Variants in STON2 observed in about 807,000 individuals in gnomAD.
STON2 encodes stonin 2.
In STON2, 29 loss-of-function variants were observed where a neutral mutation model predicts 65.7. That is an observed-to-expected ratio of 0.44 (90% CI 0.33 to 0.60). STON2 has a LOEUF of 0.60. STON2 is among the 20% of genes least tolerant of loss of function. STON2 has a pLI of 0.03. For missense variants in STON2, 1,054 were observed against 1,118.1 expected (o/e 0.94, Z 0.82); for synonymous variants, 404 against 414.2 (o/e 0.98, Z 0.30).
Position 81,396,135 on chromosome 14 carries a change from G to A in STON2, c.132C>T (p.Asp44=), listed in dbSNP as rs1227967879. The change falls in exon 3 of 8, where the codon GAC becomes GAT. Residue 44 remains aspartate, a synonymous_variant. Transcript: ENST00000614646. The part of the protein sequence containing the change: ...EHLPGLSSSP[D]QSESSSGENH... ...TCTCCCCGGAGGAGCTCTCGGACTGGTCTGGGGAAGATGACAGTCCTGGGA... is the reference window on the plus strand; with the variant it reads ...TCTCCCCGGAGGAGCTCTCGGACTGATCTGGGGAAGATGACAGTCCTGGGA... 1 of 1,613,912 alleles carries A rather than the reference G, an allele frequency of 6.2e-7. No individual in the cohort carries two copies. Among genetic ancestry groups the A allele is most frequent in the Non-Finnish European group, 8.5e-7 (1 of 1,179,986 alleles).
intron 4 of STON2, among the ~76,000 whole-genome samples, chr14:81,333,610 G>A (rs796173772): frequency 1.1e-4 from 17 of 152,282 alleles, no homozygotes; most frequent in African/African-American, 3.1e-4. Flanking sequence ...AACACTGCAT[G>A]AACATGGAAT....
intron 4 of STON2, among the ~76,000 whole-genome samples, chr14:81,336,056 C>T (rs1381871679): frequency 6.6e-6 from 1 of 152,060 alleles, no homozygotes; most frequent in African/African-American, 2.4e-5. Context: ...AATTCCAAGG[C>T]TATTCTTACA....
intron 5 of STON2, among the ~76,000 whole-genome samples, chr14:81,294,991 T>C (rs1476798503): frequency 6.6e-6 from 1 of 152,170 alleles, no homozygotes; most frequent in Non-Finnish European, 1.5e-5. Context: ...TCATGCTGTT[T>C]AAGTGGGTGC....
chr14:81,368,594 A>T (rs1898842864), intron 4 of STON2, among the ~76,000 whole-genome samples: 1 of 152,082 alleles, frequency 6.6e-6, no homozygotes, highest in African/African-American at 2.4e-5. Context: ...CACACCTGTA[A>T]TCCCAGCTAC....
intron 1 of STON2, among the ~76,000 whole-genome samples, chr14:81,433,487 T>C (rs1902295645): frequency 6.6e-6 from 1 of 152,220 alleles, no homozygotes; most frequent in Non-Finnish European, 1.5e-5. Flanking sequence ...CATCTGCCAC[T>C]GGGCCACCTC....
chr14:81,357,457 G>C (rs1327593182), intron 4 of STON2, among the ~76,000 whole-genome samples: 3 of 151,398 alleles, frequency 2.0e-5, no homozygotes, highest in African/African-American at 4.8e-5. Context: ...TGGTGGGACT[G>C]TAAACTAGTT....
chr14:81,428,418 CTT>C (rs1478599873), intron 1 of STON2, among the ~76,000 whole-genome samples: 6 of 152,200 alleles, frequency 3.9e-5, no homozygotes, highest in Non-Finnish European at 8.8e-5. Context: ...TCATTATTCT[CTT>C]TTAAAAGCTT....
intron 5 of STON2, among the ~76,000 whole-genome samples, chr14:81,292,741 A>C (rs1895607094): frequency 6.6e-6 from 1 of 152,224 alleles, no homozygotes; most frequent in Non-Finnish European, 1.5e-5. Flanking sequence ...CAGTGGACTA[A>C]TAGCACCACT....
intron 3 of STON2, among the ~76,000 whole-genome samples, chr14:81,390,070 G>A (rs1213253405): frequency 8.0e-6 from 1 of 125,478 alleles, no homozygotes; most frequent in Non-Finnish European, 1.6e-5. Context: ...AAATTAGCTG[G>A]ATGTGATGGC....
intron 5 of STON2, among the ~76,000 whole-genome samples, chr14:81,298,558 T>G (rs1173403853): frequency 6.6e-6 from 1 of 151,988 alleles, no homozygotes; most frequent in African/African-American, 2.4e-5. Flanking sequence ...ACCTCTGTCA[T>G]GACACACACA....
In STON2 at chr14:81,277,512, T is replaced by C. The variant is rs1206842024; in HGVS notation, c.1970A>G (p.His657Arg). Residue 657 changes from histidine (H) to arginine (R), a missense_variant, in exon 6 of 8, where the codon CAC (histidine) becomes CGC (arginine). Transcript: ENST00000614646. ...ILQHHVLTRI[H>R]ILSFLSGLAE... is the part of the protein sequence containing the mutation. Reference sequence around the variant, plus strand: ...GAGCCCAGACAGGAAACTCAGGATGTGGATCCGTGTCAAGACATGGTGCTG... The same window carrying C: ...GAGCCCAGACAGGAAACTCAGGATGCGGATCCGTGTCAAGACATGGTGCTG... The C allele has an allele frequency of 1.2e-6, 2 of 1,614,056 alleles. No individual in the cohort carries two copies. Among genetic ancestry groups the C allele is most frequent in the African/African-American group, 2.7e-5 (2 of 74,920 alleles).
intron 4 of STON2, among the ~76,000 whole-genome samples, chr14:81,353,079 A>T (rs1295670055): frequency 1.3e-5 from 2 of 152,248 alleles, no homozygotes; most frequent in Non-Finnish European, 2.9e-5. Context: ...CTTAGAGAGC[A>T]TTCTTCCACT....
upstream of STON2, among the ~76,000 whole-genome samples, chr14:81,403,873 T>C (rs1027493120): frequency 6.6e-6 from 1 of 152,210 alleles, no homozygotes; most frequent in Non-Finnish European, 1.5e-5. Context: ...CCACTTGCCC[T>C]TTATCCCCCA....
At position 81,391,051 on chromosome 14, in the gene STON2, G is replaced by A. The variant is rs557625833; in HGVS notation, c.373+4843C>T. ...CTGCCACTTTCATAAGGATGCATGT[G>A]ATTGCAGTTAAGGCCCACAGATAAT... On this transcript the variant is annotated intron_variant, in intron 3 of 7. Transcript: ENST00000614646. Among the ~76,000 whole-genome samples the A allele has an allele frequency of 3.3e-5, 5 of 152,318 alleles. No individual in the cohort carries two copies. The South Asian group carries it at 1.0e-3, about 32-fold the overall frequency.
At chr14:81,382,274 T>C (rs1050022261) in intron 3 of STON2, among the ~76,000 whole-genome samples, 5 of 151,930 alleles carry the variant, frequency 3.3e-5, no homozygotes, top group African/African-American at 9.7e-5. Context: ...AAAAACAGAA[T>C]GGATAAATGG....
At position 81,261,051 on chromosome 14, in the gene STON2, C is replaced by A. The variant is rs1235257891; in HGVS notation, c.*7363G>T. ...AATCTCTTGAATACGGTAGTTTTCTCCAGGTTCTCTTGTTAAGTAGACATA... is the reference window on the plus strand; with the variant it reads ...AATCTCTTGAATACGGTAGTTTTCTACAGGTTCTCTTGTTAAGTAGACATA... On this transcript the variant is annotated 3_prime_UTR_variant, in exon 8 of 8. Coordinates refer to ENST00000614646, the MANE Select transcript of STON2 (RefSeq NM_001394390.1). 1 of 152,160 alleles carries A rather than the reference C, an allele frequency of 6.6e-6. No homozygotes were observed. Among genetic ancestry groups the A allele is most frequent in the Non-Finnish European group, 1.5e-5 (1 of 68,026 alleles). The allele number at this position is 152,160 out of a possible 1,614,324, so 9.4% of individuals were successfully genotyped here. A position where few individuals can be genotyped will look rare whatever the true frequency, so the allele number is the denominator to read the frequency against.
At chr14:81,391,021 G>T (rs530397548) in intron 3 of STON2, among the ~76,000 whole-genome samples, 2 of 152,058 alleles carry the variant, frequency 1.3e-5, no homozygotes, top group South Asian at 2.1e-4. Flanking sequence ...AAGCAAAATC[G>T]CCCTCTGCCA....
intron 5 of STON2, among the ~76,000 whole-genome samples, chr14:81,319,274 C>T (rs920531399): frequency 1.3e-5 from 2 of 152,248 alleles, no homozygotes; most frequent in South Asian, 2.1e-4. Flanking sequence ...TAAAATACTG[C>T]TTGCTTTGTT....
rs1157679750 is a variant in STON2, at chr14:81,324,043, C to A, written c.716G>T (p.Gly239Val). Among the ~76,000 whole-genome samples the A allele has an allele frequency of 6.6e-6, 1 of 152,242 alleles. No individual in the cohort carries two copies. Among genetic ancestry groups the A allele is most frequent in the Non-Finnish European group, 1.5e-5 (1 of 68,046 alleles). Residue 239 changes from glycine (G) to valine (V), a missense_variant, in exon 5 of 8, where the codon GGT becomes GTT. By Grantham distance (109) the Gly-to-Val change is moderately radical. Transcript: ENST00000614646. ...QPKRSQNPGEGPEGASAPNDN... is the reference protein window; with the variant it reads ...QPKRSQNPGEVPEGASAPNDN... ...ATTGGGAGCAGAGGCCCCCTCCGGACCCTCGCCGGGGTTCTGGCTCCTCTT... is the reference window on the plus strand; with the variant it reads ...ATTGGGAGCAGAGGCCCCCTCCGGAACCTCGCCGGGGTTCTGGCTCCTCTT...
Sources: allele counts gnomAD v4.1 joint callset (sites outside exome capture counted in the v4.1 genomes callset), GRCh38; gene constraint gnomAD v4.1.1; transcripts MANE v1.5; gene names NCBI Gene and HGNC (gene_info 2026-07-23, HGNC 2026-07-21).